C19orf47: variants seen among roughly 807,000 people sequenced by gnomAD.
The protein encoded by C19orf47 is chromosome 19 open reading frame 47.
Under a neutral mutation model 32.3 loss-of-function variants are expected in C19orf47, and 18 were observed. The observed-to-expected ratio is 0.56, with a 90% CI of 0.39 to 0.83. The LOEUF (loss-of-function observed/expected upper bound fraction) is 0.83. Among genes scored for constraint, C19orf47 ranks in the 40% least tolerant of loss-of-function variants. The pLI is 0.00. For missense variants in C19orf47, 484 were observed against 531.6 expected, an observed-to-expected ratio of 0.91 and a Z score of 0.88; for synonymous variants, 202 against 211.1, an observed-to-expected ratio of 0.96 and a Z score of 0.37.
the C19orf47 span, among the ~76,000 whole-genome samples, chr19:40,302,568 G>A: frequency 6.6e-6 from 1 of 152,170 alleles, no homozygotes; most frequent in Non-Finnish European, 1.5e-5. Context: ...TGGGATTACA[G>A]GCATGAGCCA....
chr19:40,303,300 G>A, the C19orf47 span, among the ~76,000 whole-genome samples: 9 of 151,744 alleles, frequency 5.9e-5, no homozygotes, highest in Non-Finnish European at 1.5e-5. Context: ...GAGGTGGGGG[G>A]ATCACGAGGT....
At position 40,345,478 on chromosome 19, in the gene C19orf47, C is replaced by A. The variant is rs12976355; in HGVS notation, c.-34+2846G>T. ...CTTTGGGAGGCCGAAGCAGGAGGAT[C>A]TCTGGAGCCCAGGATTTTGAGGCCA... is the stretch of plus-strand genomic sequence containing the variant. On this transcript the variant is annotated intron_variant, in intron 1 of 8. Transcript: ENST00000683109. Among the ~76,000 whole-genome samples the A allele has an allele frequency of 1.6e-3, 239 of 147,628 alleles. 1 individual carries two copies. The highest frequency in any genetic ancestry group is 5.7e-3 in the African/African-American group (228 of 39,984).
chr19:40,295,146 C>G, the C19orf47 span, among the ~76,000 whole-genome samples: 1 of 151,972 alleles, frequency 6.6e-6, no homozygotes, highest in African/African-American at 2.4e-5. Flanking sequence ...CTCAGCCTCC[C>G]AAGTAGCTGG....
chr19:40,344,147 C>G (rs1451671618), intron 1 of C19orf47, among the ~76,000 whole-genome samples: 1 of 152,046 alleles, frequency 6.6e-6, no homozygotes, highest in Non-Finnish European at 1.5e-5. Context: ...ACTCAACACT[C>G]TTAGATCCAA....
chr19:40,326,552 G>A (rs2077834851), intron 6 of C19orf47, 66 bp from the exon 7 acceptor site: 1 of 1,549,408 alleles, frequency 6.5e-7, no homozygotes, highest in Non-Finnish European at 8.7e-7. Context: ...ATGGAAGCTG[G>A]ACACTAGGTG....
At chr19:40,334,576 C>A (rs1025791359) in intron 4 of C19orf47, among the ~76,000 whole-genome samples, 1 of 151,976 alleles carries the variant, frequency 6.6e-6, no homozygotes, top group African/African-American at 2.4e-5. Flanking sequence ...GGCAAAACCC[C>A]ATCTCTACTA....
At chr19:40,301,846 GA>G in the C19orf47 span, among the ~76,000 whole-genome samples, 1 of 138,088 alleles carries the variant, frequency 7.2e-6, no homozygotes, top group Non-Finnish European at 1.6e-5. Context: ...CTCTGTCTAG[GA>G]AAAAAATCTT....
chr19:40,321,978 C>T lies in C19orf47; in HGVS notation c.1062G>A (p.Gly354=). The T allele has an allele frequency of 6.2e-7, 1 of 1,613,922 alleles. No homozygotes were observed. Among genetic ancestry groups the T allele is most frequent in the East Asian group, 2.2e-5 (1 of 44,872 alleles). ...CCTCGCTGGAGCTGCTCCCCCGGGG[C>T]CCCACCAGAGTCCTCTTAATGGTGA... ...VKVTIKRTLV[G]PRGSSSSEGL... The change falls in exon 9 of 9, where the codon GGG becomes GGA. Residue 354 remains glycine, a synonymous_variant. Coordinates refer to ENST00000683109, the MANE Select transcript of C19orf47 (RefSeq NM_001256441.2).
At chr19:40,333,586 G>A (rs2077999486) in intron 5 of C19orf47, among the ~76,000 whole-genome samples, 1 of 152,160 alleles carries the variant, frequency 6.6e-6, no homozygotes, top group Non-Finnish European at 1.5e-5. Context: ...ATTCTCCATT[G>A]CTCTGTATTT....
At chr19:40,341,170 C>T (rs1268819707) in intron 2 of C19orf47, among the ~76,000 whole-genome samples, 2 of 151,770 alleles carry the variant, frequency 1.3e-5, no homozygotes, top group Non-Finnish European at 2.9e-5. Context: ...CCTGTCTCTA[C>T]TAAAAATACA....
the C19orf47 span, among the ~76,000 whole-genome samples, chr19:40,306,151 CAAAAAAAAAAA>C: frequency 1.5e-4 from 8 of 53,874 alleles, no homozygotes; most frequent in South Asian, 2.3e-3. Flanking sequence ...AACTCTGTCT[CAAAAAAAAAAA>C]AAAAAAAAAA....
At chr19:40,309,337 C>T in the C19orf47 span, among the ~76,000 whole-genome samples, 3 of 151,950 alleles carry the variant, frequency 2.0e-5, no homozygotes, top group East Asian at 1.9e-4. Context: ...TACAGGCATG[C>T]GCCACCACTC....
In C19orf47 at chr19:40,321,341, A is replaced by C; in HGVS notation, c.*541T>G. 1.0e-5 allele frequency: 10 copies of C among 987,736 alleles called. No homozygotes were observed. The highest frequency in any genetic ancestry group is 1.2e-5 in the Non-Finnish European group (10 of 831,296). The allele number at this position is 987,736 out of a possible 1,614,324, so 61.2% of individuals were successfully genotyped here. A position where few individuals can be genotyped will look rare whatever the true frequency, so the allele number is the denominator to read the frequency against. On this transcript the variant is annotated 3_prime_UTR_variant, in exon 9 of 9. Coordinates refer to ENST00000683109, the MANE Select transcript of C19orf47 (RefSeq NM_001256441.2). ...AGGAGGGTCGGGCAGGACGCAGCGG[A>C]CAGTCGGGCCTTGCCACGGGGACAG... is the stretch of plus-strand genomic sequence containing the variant.
At chr19:40,296,758 A>G in the C19orf47 span, among the ~76,000 whole-genome samples, 5 of 152,068 alleles carry the variant, frequency 3.3e-5, no homozygotes, top group African/African-American at 1.2e-4. Flanking sequence ...TACTAAAAAT[A>G]CAAAAATTAG....
At chr19:40,327,547 T>C (rs1487078082) in intron 6 of C19orf47, among the ~76,000 whole-genome samples, 1 of 152,094 alleles carries the variant, frequency 6.6e-6, no homozygotes, top group Non-Finnish European at 1.5e-5. Flanking sequence ...GACTTTGTGA[T>C]GGAGGTGGAC....
At chr19:40,332,483 C>T (rs1022112146) in intron 5 of C19orf47, 5 of 151,632 alleles carry the variant, frequency 3.3e-5, no homozygotes, top group African/African-American at 9.7e-5. Context: ...ATTCTGTCTA[C>T]TAAAAATACA....
intron 6 of C19orf47, among the ~76,000 whole-genome samples, chr19:40,327,745 G>C (rs533130469): frequency 6.6e-6 from 1 of 152,268 alleles, no homozygotes; most frequent in South Asian, 2.1e-4. Flanking sequence ...CTGAGACCTG[G>C]AGGAGGACAG....
At chr19:40,314,422 C>A in the C19orf47 span, among the ~76,000 whole-genome samples, 1 of 152,010 alleles carries the variant, frequency 6.6e-6, no homozygotes, top group Non-Finnish European at 1.5e-5. Flanking sequence ...AACGAAACTC[C>A]GTCTCAAAAA....
chr19:40,316,775 G>C (rs74620940), downstream of C19orf47, among the ~76,000 whole-genome samples: 3 of 152,120 alleles, frequency 2.0e-5, no homozygotes, highest in East Asian at 5.8e-4. Flanking sequence ...TGTGTTCTTC[G>C]AAGTCACCCC....
Sources: gnomAD v4.1 joint callset for allele counts (sites outside exome capture counted in the v4.1 genomes callset) on GRCh38, gnomAD v4.1.1 for gene constraint, MANE v1.5 for transcripts, NCBI Gene and HGNC (gene_info 2026-07-23, HGNC 2026-07-21) for gene names.